The following FAM135B variants were observed in gnomAD, a reference collection of about 807,000 sequenced individuals.
FAM135B encodes the protein family with sequence similarity 135 member B.
In FAM135B, 43 loss-of-function variants were observed where a neutral mutation model predicts 127.7. That is an observed-to-expected ratio of 0.34 (90% CI 0.26 to 0.43). The LOEUF (loss-of-function observed/expected upper bound fraction) is 0.43. FAM135B is among the 20% of genes least tolerant of loss of function. The pLI, the probability that FAM135B is intolerant of heterozygous loss-of-function variation, is 1.00. For synonymous variants in FAM135B, 670 were observed against 665.1 expected, an observed-to-expected ratio of 1.01 and a Z score of -0.11; for missense variants, 1,558 against 1,725.6, an observed-to-expected ratio of 0.90 and a Z score of 1.72.
At chr8:138,474,824 C>T (rs1814309875) in intron 1 of FAM135B, among the ~76,000 whole-genome samples, 1 of 152,208 alleles carries the variant, frequency 6.6e-6, no homozygotes, top group African/African-American at 2.4e-5. Context: ...GGTCTGGACT[C>T]TTCCCTCTCT....
intron 3 of FAM135B, among the ~76,000 whole-genome samples, chr8:138,269,720 C>T (rs539056155): frequency 6.6e-6 from 1 of 152,222 alleles, no homozygotes; most frequent in African/African-American, 2.4e-5. Flanking sequence ...GGCAGGACTA[C>T]AGAATCCGAG....
intron 7 of FAM135B, among the ~76,000 whole-genome samples, chr8:138,238,495 A>G (rs78423432): frequency 6.6e-6 from 1 of 152,262 alleles, no homozygotes; most frequent in African/African-American, 2.4e-5. Flanking sequence ...GAAAGAAAAG[A>G]GGCCACGAGG....
intron 12 of FAM135B, among the ~76,000 whole-genome samples, chr8:138,160,147 G>T (rs1437952197): frequency 6.6e-6 from 1 of 152,082 alleles, no homozygotes; most frequent in Non-Finnish European, 1.5e-5. Flanking sequence ...AGTCCTGAGG[G>T]CACAGAAGGT....
chr8:138,417,318 C>A (rs1834220802), intron 1 of FAM135B, among the ~76,000 whole-genome samples: 1 of 152,222 alleles, frequency 6.6e-6, no homozygotes, highest in African/African-American at 2.4e-5. Context: ...TGCCAGTGGC[C>A]TGCACCATAG....
chr8:138,179,518 A>G (rs1307193190), intron 9 of FAM135B, among the ~76,000 whole-genome samples: 1 of 152,128 alleles, frequency 6.6e-6, no homozygotes, highest in Non-Finnish European at 1.5e-5. Flanking sequence ...AATGGAAGGG[A>G]TGTATGACTA....
chr8:138,327,759 A>T lies in FAM135B; in HGVS notation c.78-16839T>A, dbSNP rs577147801. ...AACAAAACCAATTTCACAAATTATA[A>T]TCGTAATCATAGGAAACCCCTCAGG... On this transcript the variant is annotated intron_variant, in intron 2 of 19. Coordinates refer to ENST00000395297, the MANE Select transcript of FAM135B (RefSeq NM_015912.4). 2.6e-5 allele frequency among the ~76,000 whole-genome samples: 4 copies of T among 152,356 alleles called. No individual in the cohort carries two copies. The South Asian group carries it at 6.2e-4, about 24-fold the overall frequency.
At chr8:138,181,895 C>T (rs928964819) in intron 9 of FAM135B, among the ~76,000 whole-genome samples, 8 of 151,858 alleles carry the variant, frequency 5.3e-5, no homozygotes, top group African/African-American at 1.7e-4. Context: ...TCACTTCCTA[C>T]ATCCCCTGCA....
At chr8:138,297,128 G>A (rs1043393517) in intron 3 of FAM135B, among the ~76,000 whole-genome samples, 1 of 152,268 alleles carries the variant, frequency 6.6e-6, no homozygotes, top group Non-Finnish European at 1.5e-5. Flanking sequence ...GTGATCAGAC[G>A]TATGCATCTG....
intron 11 of FAM135B, 97 bp from the exon 12 acceptor site, chr8:138,168,146 A>C: frequency 7.4e-7 from 1 of 1,357,716 alleles, no homozygotes; most frequent in Non-Finnish European, 9.9e-7. Context: ...CTCGGTTCTC[A>C]GCTGACTCTG....
chr8:138,191,936 C>A (rs372753931), intron 9 of FAM135B, among the ~76,000 whole-genome samples: 4 of 152,312 alleles, frequency 2.6e-5, no homozygotes, highest in African/African-American at 9.6e-5. Flanking sequence ...TTCCCTGCAC[C>A]GATGCTGCCT....
intron 12 of FAM135B, among the ~76,000 whole-genome samples, chr8:138,162,386 C>T (rs1345307928): frequency 2.6e-5 from 4 of 152,158 alleles, no homozygotes; most frequent in East Asian, 1.9e-4. Flanking sequence ...ACTCATTATA[C>T]GTCTGTCCAA....
intron 9 of FAM135B, among the ~76,000 whole-genome samples, chr8:138,179,327 G>A (rs73423928): frequency 0.061 from 9,341 of 152,202 alleles, 512 homozygotes; most frequent in East Asian, 0.16. Flanking sequence ...GTACTTCACA[G>A]CAGTTATAAC....
In FAM135B at chr8:138,459,712, C is replaced by T. The variant is rs150036574; in HGVS notation, c.-20+36959G>A. 3 of 152,304 alleles carry T rather than the reference C, an allele frequency of 2.0e-5. No homozygotes were observed. In the East Asian group the frequency reaches 5.8e-4, roughly 29 times the overall value. The allele number at this position is 152,304 out of a possible 1,614,324, so 9.4% of individuals were successfully genotyped here. A position where few individuals can be genotyped will look rare whatever the true frequency, so the allele number is the denominator to read the frequency against. Reference sequence around the variant, plus strand: ...AGGGCTCAGACTACTGCAGAAGGGGCCCTGGCATTGTGCAGCCAAAGCTCC... The same window carrying T: ...AGGGCTCAGACTACTGCAGAAGGGGTCCTGGCATTGTGCAGCCAAAGCTCC... On this transcript the variant is annotated intron_variant, in intron 1 of 19. Coordinates refer to ENST00000395297, the MANE Select transcript of FAM135B (RefSeq NM_015912.4).
chr8:138,493,039 G>A (rs72725665), intron 1 of FAM135B, among the ~76,000 whole-genome samples: 14,872 of 152,172 alleles, frequency 0.098, 854 homozygotes, highest in African/African-American at 0.15. Context: ...CATCCACACC[G>A]GAGGTGGAGG....
chr8:138,476,498 T>C lies in FAM135B; in HGVS notation c.-20+20173A>G, dbSNP rs1310748717. Among the ~76,000 whole-genome samples, 3 of 151,632 alleles carry C rather than the reference T, an allele frequency of 2.0e-5. No individual in the cohort carries two copies. In the South Asian group the frequency reaches 6.2e-4, roughly 32 times the overall value. ...CTCTCTATTTTTTTTTTTTCAATTTTACTGTGAACTGAAAACTACTCTAAA... is the reference window on the plus strand; with the variant it reads ...CTCTCTATTTTTTTTTTTTCAATTTCACTGTGAACTGAAAACTACTCTAAA... On this transcript the variant is annotated intron_variant, in intron 1 of 19. Transcript: ENST00000395297.
intron 1 of FAM135B, among the ~76,000 whole-genome samples, chr8:138,451,914 A>G (rs1211247845): frequency 6.6e-6 from 1 of 152,196 alleles, no homozygotes; most frequent in African/African-American, 2.4e-5. Flanking sequence ...GAGATTTAAC[A>G]TATTAGAAAA....
At chr8:138,207,265 T>C (rs1202131431) in intron 7 of FAM135B, among the ~76,000 whole-genome samples, 2 of 150,378 alleles carry the variant, frequency 1.3e-5, no homozygotes, top group Non-Finnish European at 2.9e-5. Flanking sequence ...TTGCCCAGGC[T>C]GGAGCTCAGT....
intron 4 of FAM135B, 25 bp downstream of exon 4, chr8:138,265,678 G>C (rs759025272): frequency 6.2e-7 from 1 of 1,613,010 alleles, no homozygotes; most frequent in Non-Finnish European, 8.5e-7. Context: ...AGCTACTTGT[G>C]GCTGGTGGTA....
At chr8:138,319,569 G>GA (rs1271849642) in intron 2 of FAM135B, among the ~76,000 whole-genome samples, 1 of 152,180 alleles carries the variant, frequency 6.6e-6, no homozygotes, top group Non-Finnish European at 1.5e-5. Context: ...CTAGGATGTG[G>GA]AAAACTTCAG....
Sources: allele counts gnomAD v4.1 joint callset (sites outside exome capture counted in the v4.1 genomes callset), GRCh38; gene constraint gnomAD v4.1.1; transcripts MANE v1.5; gene names NCBI Gene and HGNC (gene_info 2026-07-23, HGNC 2026-07-21).